MGAT5: variants seen among roughly 807,000 people sequenced by gnomAD.
MGAT5 encodes the protein alpha-1,6-mannosylglycoprotein 6-beta-N-acetylglucosaminyltransferase.
A neutral mutation model predicts 94.3 loss-of-function variants in MGAT5; 30 were observed. The ratio of observed to expected loss-of-function variants is 0.32; its 90% confidence interval spans 0.24 to 0.43. The LOEUF (loss-of-function observed/expected upper bound fraction) is 0.43, where lower values mean the gene tolerates loss of function less well. MGAT5 is among the 20% of genes least tolerant of loss of function. The pLI, the probability that MGAT5 is intolerant of heterozygous loss-of-function variation, is 1.00. For missense variants in MGAT5, 691 were observed against 905.5 expected, an observed-to-expected ratio of 0.76 and a Z score of 3.04; for synonymous variants, 310 against 322.9, an observed-to-expected ratio of 0.96 and a Z score of 0.43.
intron 13 of MGAT5, among the ~76,000 whole-genome samples, chr2:134,426,239 G>A (rs895486211): frequency 7.6e-5 from 10 of 131,570 alleles, no homozygotes; most frequent in Admixed American, 1.6e-4. Flanking sequence ...CATTCCTTCC[G>A]TCCCTCCATC....
chr2:134,348,218 G>A (rs1472048597), intron 8 of MGAT5, among the ~76,000 whole-genome samples: 1 of 152,142 alleles, frequency 6.6e-6, no homozygotes, highest in Non-Finnish European at 1.5e-5. Flanking sequence ...AGTTCCTTGG[G>A]TCCCTAGCTT....
At position 134,145,419 on chromosome 2, in the gene MGAT5, C is replaced by G. The variant is rs181765722; in HGVS notation, c.-143+25128C>G. On this transcript the variant is annotated intron_variant, in intron 1 of 16. Coordinates refer to the MGAT5 transcript ENST00000409645. Reference sequence around the variant, plus strand: ...AAATTAGCTGGGCATGGTGGCAGGCCCCTGTAGTCCTACCTACTTGGGAGG... The same window carrying G: ...AAATTAGCTGGGCATGGTGGCAGGCGCCTGTAGTCCTACCTACTTGGGAGG... Among the ~76,000 whole-genome samples the G allele has an allele frequency of 2.9e-3, 436 of 152,098 alleles. 2 individuals are homozygous for G. The highest frequency in any genetic ancestry group is 0.01 in the African/African-American group (416 of 41,508).
intron 4 of MGAT5, among the ~76,000 whole-genome samples, chr2:134,331,170 A>T (rs1687947828): frequency 1.3e-5 from 2 of 152,166 alleles, no homozygotes; most frequent in Admixed American, 1.3e-4. Context: ...TTCATGTTTA[A>T]GCTGCAAAAC....
chr2:134,223,966 C>T (rs1680922325), intron 1 of MGAT5, among the ~76,000 whole-genome samples: 1 of 151,904 alleles, frequency 6.6e-6, no homozygotes, highest in African/African-American at 2.4e-5. Flanking sequence ...TTGGAGAACT[C>T]AGGTAAATTT....
At chr2:134,286,451 A>T (rs1002762013) in intron 2 of MGAT5, among the ~76,000 whole-genome samples, 74 of 151,714 alleles carry the variant, frequency 4.9e-4, no homozygotes, top group African/African-American at 1.8e-3. Flanking sequence ...TTTTTTTTTA[A>T]GATGGAGTCT....
At chr2:134,354,316 C>A (rs964549677) in intron 9 of MGAT5, among the ~76,000 whole-genome samples, 17 of 152,032 alleles carry the variant, frequency 1.1e-4, no homozygotes, top group Non-Finnish European at 5.9e-5. Flanking sequence ...ACTTGAGGAA[C>A]AAAGTCTTCA....
intron 1 of MGAT5, among the ~76,000 whole-genome samples, chr2:134,245,301 G>T (rs1682188517): frequency 6.6e-6 from 1 of 152,194 alleles, no homozygotes. Flanking sequence ...GAGCCACAGC[G>T]CCCAGCCCCT....
At chr2:134,330,554 A>AGTGT (rs34688054) in intron 4 of MGAT5, among the ~76,000 whole-genome samples, 4,745 of 148,566 alleles carry the variant, frequency 0.032, 258 homozygotes, top group African/African-American at 0.11. Flanking sequence ...TAAATTGTGT[A>AGTGT]GTGTGTGTGT....
In MGAT5 at chr2:134,350,004, C is replaced by A. The variant is rs570075249; in HGVS notation, c.1246+66C>A. The A allele has an allele frequency of 3.2e-6, 5 of 1,584,996 alleles. No homozygotes were observed. In the African/African-American group the frequency reaches 6.7e-5, roughly 21 times the overall value. On this transcript the variant is annotated intron_variant, in intron 9 of 15. Transcript: ENST00000281923. ...CAAAGATAGATGGGAAAATTAGCCG[C>A]CATCTATTTTGGGTTATGATTCTCA...
At chr2:134,321,532 G>A (rs1687321904) in intron 4 of MGAT5, among the ~76,000 whole-genome samples, 1 of 152,288 alleles carries the variant, frequency 6.6e-6, no homozygotes, top group East Asian at 1.9e-4. Flanking sequence ...TGAGGTTCTG[G>A]GGAAGGGAAG....
chr2:134,441,732 G>A, intron 14 of MGAT5, 26 bp from the exon 15 acceptor site: 1 of 1,597,582 alleles, frequency 6.3e-7, no homozygotes, highest in African/African-American at 1.3e-5. Context: ...TTGGACCTGT[G>A]GCTGATGGCT....
chr2:134,285,486 T>G (rs1054524742), intron 2 of MGAT5, among the ~76,000 whole-genome samples: 1 of 152,142 alleles, frequency 6.6e-6, no homozygotes, highest in Non-Finnish European at 1.5e-5. Context: ...AGAAACAGAA[T>G]GGCTAGGTCA....
At chr2:134,214,473 CA>C (rs1387526207) in intron 1 of MGAT5, among the ~76,000 whole-genome samples, 6 of 152,032 alleles carry the variant, frequency 3.9e-5, no homozygotes, top group Admixed American at 6.6e-5. Context: ...ATTGCAAAAC[CA>C]ATCTATGTTT....
At chr2:134,121,657 C>T (rs1685596870) in intron 1 of MGAT5, among the ~76,000 whole-genome samples, 1 of 152,172 alleles carries the variant, frequency 6.6e-6, no homozygotes, top group Admixed American at 6.5e-5. Flanking sequence ...GGGTCTGTGA[C>T]GTTGGGAAGG....
chr2:134,332,361 G>A (rs1688028578), intron 4 of MGAT5, among the ~76,000 whole-genome samples: 1 of 150,676 alleles, frequency 6.6e-6, no homozygotes, highest in South Asian at 2.1e-4. Flanking sequence ...TTAATAAATG[G>A]TGCTGGGAAA....
chr2:134,339,800 T>C (rs184064655), intron 6 of MGAT5, among the ~76,000 whole-genome samples: 1 of 152,224 alleles, frequency 6.6e-6, no homozygotes, highest in African/African-American at 2.4e-5. Context: ...ATCCATCCAG[T>C]TTTGATGGAA....
intron 2 of MGAT5, among the ~76,000 whole-genome samples, chr2:134,274,911 A>G (rs1379970552): frequency 6.6e-6 from 1 of 152,242 alleles, no homozygotes; most frequent in African/African-American, 2.4e-5. Flanking sequence ...AGCTGTTCTT[A>G]AAAACAGCAA....
intron 10 of MGAT5, among the ~76,000 whole-genome samples, chr2:134,384,100 C>G (rs1305184329): frequency 6.6e-6 from 1 of 151,882 alleles, no homozygotes; most frequent in Non-Finnish European, 1.5e-5. Flanking sequence ...TGGGACACAT[C>G]TAAGGTCATT....
chr2:134,440,722 G>A (rs1330690336), intron 14 of MGAT5, among the ~76,000 whole-genome samples: 1 of 152,248 alleles, frequency 6.6e-6, no homozygotes, highest in East Asian at 1.9e-4. Context: ...GGTGGAGGCA[G>A]GCCTGATTGC....
Sources: gnomAD v4.1 joint callset for allele counts (sites outside exome capture counted in the v4.1 genomes callset) on GRCh38, gnomAD v4.1.1 for gene constraint, MANE v1.5 for transcripts, NCBI Gene and HGNC (gene_info 2026-07-23, HGNC 2026-07-21) for gene names.